The following MRE11 variants were observed in gnomAD, a reference collection of about 807,000 sequenced individuals.
MRE11 encodes the protein MRE11 double strand break repair nuclease, also known as double-strand break repair protein MRE11.
Under a neutral mutation model 91.7 loss-of-function variants are expected in MRE11, and 62 were observed. The observed-to-expected ratio is 0.68, with a 90% CI of 0.55 to 0.84. MRE11 has a LOEUF of 0.84. Among genes scored for constraint, MRE11 ranks in the 40% least tolerant of loss-of-function variants. The probability of loss-of-function intolerance (pLI) is 0.00; values close to 1 mark genes in which losing one functional copy is unlikely to be tolerated. For synonymous variants in MRE11, 273 were observed against 271.4 expected (o/e 1.01, Z -0.06); for missense variants, 796 against 852.9 (o/e 0.93, Z 0.83).
In MRE11 at chr11:94,459,442, T is replaced by A; in HGVS notation, c.1466A>T (p.His489Leu). ...GATTTTGTCTTCGAGGGCATCAATA[T>A]GACGTTCTTTAAGAAATCGCTGTGT... ...EKTQRFLKER[H>L]IDALEDKIDE... The change falls in exon 13 of 20, where the codon CAT becomes CTT. Residue 489 changes from histidine to leucine, a missense_variant. His to Leu is a moderately conservative substitution (Grantham distance 99, BLOSUM62 -3). Transcript: ENST00000323929. 6.2e-7 allele frequency: 1 copy of A among 1,614,046 alleles called. No homozygotes were observed.
intron 19 of MRE11, among the ~76,000 whole-genome samples, chr11:94,423,245 T>G (rs1271622983): frequency 6.6e-6 from 1 of 151,986 alleles, no homozygotes; most frequent in African/African-American, 2.4e-5. Flanking sequence ...CCAGGGCTGG[T>G]TCTTGGCCTT....
At chr11:94,492,075 A>C (rs1947297695) in intron 2 of MRE11, among the ~76,000 whole-genome samples, 1 of 152,210 alleles carries the variant, frequency 6.6e-6, no homozygotes, top group African/African-American at 2.4e-5. Flanking sequence ...TCACACAGCT[A>C]GTAGGGTCCA....
chr11:94,488,336 C>T lies in MRE11; in HGVS notation c.154-2252G>A, dbSNP rs12276685. ...TGGTGAAATTACGGAGAAAAGGGAA[C>T]ACTTATACACTGTTGATGGGGGTGT... is the stretch of plus-strand genomic sequence containing the variant. On this transcript the variant is annotated intron_variant, in intron 3 of 19. Coordinates refer to ENST00000323929, the MANE Select transcript of MRE11 (RefSeq NM_005591.4). Among the ~76,000 whole-genome samples, 1,142 of 152,248 alleles carry T rather than the reference C, an allele frequency of 7.5e-3. 12 individuals carry two copies. The highest frequency in any genetic ancestry group is 0.025 in the African/African-American group (1,044 of 41,550).
rs529941464 is a variant in MRE11, at chr11:94,425,151, C to T, written c.2070+4760G>A. 1.7e-4 allele frequency among the ~76,000 whole-genome samples: 26 copies of T among 152,276 alleles called. 1 individual carries two copies. Among genetic ancestry groups the T allele is most frequent in the East Asian group, 3.9e-4 (2 of 5,184 alleles). On this transcript the variant is annotated intron_variant, in intron 19 of 19. Transcript: ENST00000323929. Reference sequence around the variant, plus strand: ...CCCATCAGGCTACCAGCGGACATCTCGGCAGAAACCTTACAAGCCAGAAGA... The same window carrying T: ...CCCATCAGGCTACCAGCGGACATCTTGGCAGAAACCTTACAAGCCAGAAGA...
chr11:94,492,784 T>A lies in MRE11; in HGVS notation c.18A>T (p.Ala6=), dbSNP rs758314845. The A allele has an allele frequency of 3.5e-5, 57 of 1,613,902 alleles. No individual in the cohort carries two copies. The highest frequency in any genetic ancestry group is 4.7e-5 in the Non-Finnish European group (56 of 1,179,984). MSTAD[A]LDDENTFKIL... The stretch of plus-strand genomic sequence containing the variant: ...GATTCCAGAAGTCAGGTGCTTACAG[T>A]GCATCTGCAGTACTCATTTTTATGG... The change falls in exon 2 of 20, where the codon GCA becomes GCT. Residue 6 remains alanine (A), a splice_region_variant and synonymous_variant. Transcript: ENST00000323929.
the MRE11 span, among the ~76,000 whole-genome samples, chr11:94,506,292 T>G: frequency 6.6e-6 from 1 of 151,870 alleles, no homozygotes; most frequent in African/African-American, 2.4e-5. Flanking sequence ...TTTTCCTATA[T>G]AGCAAATGTA....
At chr11:94,499,929 G>A in the MRE11 span, among the ~76,000 whole-genome samples, 2 of 152,128 alleles carry the variant, frequency 1.3e-5, no homozygotes, top group Non-Finnish European at 2.9e-5. Flanking sequence ...GAACTTATTA[G>A]ATCATCTCAG....
At chr11:94,450,583 T>C (rs951034855) in intron 14 of MRE11, among the ~76,000 whole-genome samples, 4 of 151,992 alleles carry the variant, frequency 2.6e-5, no homozygotes, top group Non-Finnish European at 4.4e-5. Flanking sequence ...AAAAAATTAA[T>C]AATAAAGCAA....
At chr11:94,498,617 C>A, upstream of MRE11, 1 of 1,165,880 alleles carries the variant, frequency 8.6e-7, no homozygotes, top group Non-Finnish European at 1.2e-6. Flanking sequence ...TGACGTCAAA[C>A]ATCTTACTAC....
At chr11:94,509,829 T>C in the MRE11 span, among the ~76,000 whole-genome samples, 1 of 152,266 alleles carries the variant, frequency 6.6e-6, no homozygotes, top group Non-Finnish European at 1.5e-5. Flanking sequence ...TTATACAGTA[T>C]TGATTTTAAA....
At chr11:94,423,203 G>A (rs1945220134) in intron 19 of MRE11, among the ~76,000 whole-genome samples, 1 of 152,146 alleles carries the variant, frequency 6.6e-6, no homozygotes, top group Non-Finnish European at 1.5e-5. Flanking sequence ...GAAGAGGGAG[G>A]AAGCTGGTAA....
upstream of MRE11, chr11:94,498,768 T>C: frequency 1.9e-6 from 1 of 535,400 alleles, no homozygotes; most frequent in Non-Finnish European, 3.3e-6. Context: ...ATAATTTTAA[T>C]GTGTGTATAC....
At chr11:94,458,643 C>A (rs1468565732) in intron 13 of MRE11, among the ~76,000 whole-genome samples, 1 of 152,058 alleles carries the variant, frequency 6.6e-6, no homozygotes, top group Non-Finnish European at 1.5e-5. Context: ...TATACTCTGC[C>A]AAACTGCTTT....
chr11:94,443,169 C>A (rs1483567705), intron 16 of MRE11, among the ~76,000 whole-genome samples: 1 of 152,024 alleles, frequency 6.6e-6, no homozygotes, highest in Non-Finnish European at 1.5e-5. Context: ...CAAATTAGTC[C>A]ATCTTTATAT....
intron 3 of MRE11, among the ~76,000 whole-genome samples, chr11:94,487,860 T>C (rs1288382362): frequency 6.6e-6 from 1 of 152,098 alleles, no homozygotes; most frequent in Non-Finnish European, 1.5e-5. Flanking sequence ...TGTTTCAAAA[T>C]AAAAAGTTTT....
At chr11:94,498,946 T>G in the MRE11 span, 1 of 173,146 alleles carries the variant, frequency 5.8e-6, no homozygotes, top group Non-Finnish European at 1.2e-5. Context: ...GTCTTAAATA[T>G]TCTGATACAA....
In MRE11 at chr11:94,419,465, GGAGAGAGAGAGAGA is replaced by G. The variant is rs201800515; in HGVS notation, c.*646_*659del. 1 of 196,690 alleles carries G rather than the reference GGAGAGAGAGAGAGA, an allele frequency of 5.1e-6. No homozygotes were observed. The allele number at this position is 196,690 out of a possible 1,614,324, so 12.2% of individuals were successfully genotyped here. On this transcript the variant is annotated 3_prime_UTR_variant, in exon 20 of 20. Transcript: ENST00000323929. ...GAAGAGTGGGGAACGGGGGGGAGAG[GGAGAGAGAGAGAGA>G]GAGAGAGAGAGAGAGAACACCATTA...
chr11:94,420,636 G>C (rs1001987192), intron 19 of MRE11, among the ~76,000 whole-genome samples: 3 of 152,124 alleles, frequency 2.0e-5, no homozygotes, highest in African/African-American at 7.2e-5. Flanking sequence ...TTTAATACTA[G>C]AAATAGCTAG....
At chr11:94,446,102 A>C (rs191369579) in intron 15 of MRE11, among the ~76,000 whole-genome samples, 84 of 152,384 alleles carry the variant, frequency 5.5e-4, no homozygotes, top group Non-Finnish European at 1.1e-3. Context: ...AATTTAATTT[A>C]TCCAATTAAA....
Sources: gnomAD v4.1 joint callset for allele counts (sites outside exome capture counted in the v4.1 genomes callset) on GRCh38, gnomAD v4.1.1 for gene constraint, MANE v1.5 for transcripts, NCBI Gene and HGNC (gene_info 2026-07-23, HGNC 2026-07-21) for gene names.